Variants in CPQ observed in about 807,000 individuals in gnomAD.
CPQ encodes the protein Ser-Met dipeptidase.
CPQ carries 37 observed loss-of-function variants against 45.7 expected under a neutral mutation model. The observed-to-expected ratio is 0.81, with a 90% CI of 0.62 to 1.07. The LOEUF is 1.07. CPQ is among the 50% of genes least tolerant of loss of function. CPQ has a pLI of 0.00. For missense variants in CPQ, 537 were observed against 572.9 expected, an observed-to-expected ratio of 0.94 and a Z score of 0.64; for synonymous variants, 186 against 205.8, an observed-to-expected ratio of 0.90 and a Z score of 0.82.
At chr8:96,938,371 T>A (rs757815407) in intron 4 of CPQ, among the ~76,000 whole-genome samples, 5 of 152,160 alleles carry the variant, frequency 3.3e-5, no homozygotes, top group Non-Finnish European at 5.9e-5. Context: ...CACTCCAGTC[T>A]AGGTGACAGA....
At chr8:96,797,639 G>T (rs1464388655) in intron 2 of CPQ, among the ~76,000 whole-genome samples, 1 of 152,144 alleles carries the variant, frequency 6.6e-6, no homozygotes, top group Non-Finnish European at 1.5e-5. Flanking sequence ...AGGTTTGGCT[G>T]GGTGCGGTGG....
chr8:96,795,775 T>C (rs182904296), intron 2 of CPQ, among the ~76,000 whole-genome samples: 1 of 152,180 alleles, frequency 6.6e-6, no homozygotes, highest in East Asian at 1.9e-4. Context: ...GAAAGAAGTA[T>C]AGACTTTTAA....
chr8:96,891,508 C>G (rs1812376595), intron 4 of CPQ, among the ~76,000 whole-genome samples: 1 of 152,156 alleles, frequency 6.6e-6, no homozygotes, highest in South Asian at 2.1e-4. Flanking sequence ...ACCATGGCCA[C>G]TTTGTTCATG....
chr8:96,920,196 G>C (rs1284456733), intron 4 of CPQ, among the ~76,000 whole-genome samples: 3 of 152,050 alleles, frequency 2.0e-5, no homozygotes, highest in African/African-American at 7.2e-5. Flanking sequence ...GAAAAAATTG[G>C]GGGATGGAGG....
chr8:96,772,158 C>A (rs544182662), intron 1 of CPQ, among the ~76,000 whole-genome samples: 1 of 151,908 alleles, frequency 6.6e-6, no homozygotes, highest in Non-Finnish European at 1.5e-5. Context: ...AGGCTGGAGG[C>A]AGGGAGATCA....
chr8:97,092,594 G>A (rs947573363), intron 7 of CPQ: 4 of 152,148 alleles, frequency 2.6e-5, no homozygotes, highest in African/African-American at 9.7e-5. Flanking sequence ...TTCAATAAAT[G>A]CTGCTGGGAT....
intron 3 of CPQ, among the ~76,000 whole-genome samples, chr8:96,862,541 T>G (rs1811939998): frequency 1.3e-5 from 2 of 152,066 alleles, no homozygotes; most frequent in Admixed American, 1.3e-4. Flanking sequence ...TGATAGGCAT[T>G]GGAAAGCCAT....
rs73277746 is a variant in CPQ, at chr8:96,716,146, T to G, written c.-34-68718T>G. Among the ~76,000 whole-genome samples the G allele has an allele frequency of 4.8e-3, 723 of 152,142 alleles. 7 individuals carry two copies. The highest frequency in any genetic ancestry group is 0.017 in the African/African-American group (698 of 41,502). ...GGTGAAAGCTGAGGTCATGCACAAG[T>G]TTTCTCTGGCCTGGGCGCTGTGTCA... On this transcript the variant is annotated intron_variant, in intron 1 of 7. Transcript: ENST00000220763.
intron 5 of CPQ, among the ~76,000 whole-genome samples, chr8:96,978,598 G>A (rs188143583): frequency 3.3e-4 from 51 of 152,296 alleles, no homozygotes; most frequent in African/African-American, 1.1e-3. Context: ...TGCTATGAGA[G>A]GGCCCCCTTT....
At chr8:96,653,842 G>A (rs1341344957) in intron 1 of CPQ, among the ~76,000 whole-genome samples, 1 of 152,110 alleles carries the variant, frequency 6.6e-6, no homozygotes, top group South Asian at 2.1e-4. Context: ...TGGAAGAAGC[G>A]AGGAGGTGAA....
intron 7 of CPQ, among the ~76,000 whole-genome samples, chr8:97,122,913 AAAATAAAATAAAAT>A (rs1811736157): frequency 2.2e-5 from 2 of 89,204 alleles, no homozygotes; most frequent in African/African-American, 7.8e-5. Flanking sequence ...AAAATAAAAT[AAAATAAAATAAAAT>A]AAATAAAATA....
At chr8:97,107,798 G>C (rs1382468792) in intron 7 of CPQ, among the ~76,000 whole-genome samples, 1 of 151,302 alleles carries the variant, frequency 6.6e-6, no homozygotes, top group Non-Finnish European at 1.5e-5. Context: ...TAAGATAAGA[G>C]AAATAACATG....
intron 6 of CPQ, among the ~76,000 whole-genome samples, chr8:97,051,434 T>A (rs1029687947): frequency 1.4e-4 from 22 of 152,190 alleles, no homozygotes; most frequent in Non-Finnish European, 1.9e-4. Flanking sequence ...ATGATGAACA[T>A]AAAGAATACT....
At chr8:97,111,340 CTT>C (rs774760702) in intron 7 of CPQ, among the ~76,000 whole-genome samples, 11 of 152,206 alleles carry the variant, frequency 7.2e-5, no homozygotes, top group Non-Finnish European at 1.6e-4. Flanking sequence ...TGTAGTAACT[CTT>C]CTCTCCCATG....
At position 96,938,057 on chromosome 8, in the gene CPQ, T is replaced by C. The variant is rs555737134; in HGVS notation, c.850-27878T>C. Among the ~76,000 whole-genome samples the C allele has an allele frequency of 3.9e-5, 6 of 152,334 alleles. No individual in the cohort carries two copies. In the East Asian group the frequency reaches 1.2e-3, roughly 29 times the overall value. On this transcript the variant is annotated intron_variant, in intron 4 of 7. Coordinates refer to ENST00000220763, the MANE Select transcript of CPQ (RefSeq NM_016134.4). ...TCTTAGAAATAAGTTAGTTATATAA[T>C]ACAGAAATGTAAAGGCCAAAACATT... is the stretch of plus-strand genomic sequence containing the variant.
intron 2 of CPQ, among the ~76,000 whole-genome samples, chr8:96,823,067 G>A (rs1350880359): frequency 1.3e-5 from 2 of 151,994 alleles, no homozygotes; most frequent in Middle Eastern, 6.8e-3. Flanking sequence ...CGTCATCCAG[G>A]ATGGCTTCTT....
intron 7 of CPQ, among the ~76,000 whole-genome samples, chr8:97,101,410 T>C (rs1480645685): frequency 6.6e-6 from 1 of 151,718 alleles, no homozygotes; most frequent in Non-Finnish European, 1.5e-5. Flanking sequence ...AGCAAATATA[T>C]AGTATTTCTG....
At chr8:96,746,201 C>T (rs1484646756) in intron 1 of CPQ, among the ~76,000 whole-genome samples, 1 of 152,128 alleles carries the variant, frequency 6.6e-6, no homozygotes, top group Non-Finnish European at 1.5e-5. Flanking sequence ...TGTATAAGTG[C>T]AGTGTAAGGT....
intron 4 of CPQ, among the ~76,000 whole-genome samples, chr8:96,920,671 G>A (rs926820391): frequency 6.6e-6 from 1 of 152,060 alleles, no homozygotes; most frequent in Non-Finnish European, 1.5e-5. Flanking sequence ...ATTAAAATTA[G>A]GCCATTAAGC....
Sources: gnomAD v4.1 joint callset for allele counts (sites outside exome capture counted in the v4.1 genomes callset) on GRCh38, gnomAD v4.1.1 for gene constraint, MANE v1.5 for transcripts, NCBI Gene and HGNC (gene_info 2026-07-23, HGNC 2026-07-21) for gene names.